The following KCNK13 variants were observed in gnomAD, a reference collection of about 807,000 sequenced individuals.
KCNK13 encodes potassium two pore domain channel subfamily K member 13.
A neutral mutation model predicts 23.4 loss-of-function variants in KCNK13; 12 were observed. The observed-to-expected ratio is 0.51, with a 90% confidence interval of 0.33 to 0.83. The LOEUF (loss-of-function observed/expected upper bound fraction) is 0.83, where lower values mean the gene tolerates loss of function less well. KCNK13 is among the 40% of genes least tolerant of loss of function. The pLI, the probability that KCNK13 is intolerant of heterozygous loss-of-function variation, is 0.02. For missense variants in KCNK13, 463 were observed against 556.3 expected, an observed-to-expected ratio of 0.83 and a Z score of 1.69; for synonymous variants, 231 against 229.5, an observed-to-expected ratio of 1.01 and a Z score of -0.06.
chr14:90,145,669 A>T (rs1890064447), intron 1 of KCNK13, among the ~76,000 whole-genome samples: 1 of 151,776 alleles, frequency 6.6e-6, no homozygotes, highest in South Asian at 2.1e-4. Context: ...TTCCTTATTG[A>T]TCCTTACTGA....
chr14:90,170,590 A>T (rs1192938581), intron 1 of KCNK13, among the ~76,000 whole-genome samples: 1 of 152,190 alleles, frequency 6.6e-6, no homozygotes, highest in Non-Finnish European at 1.5e-5. Flanking sequence ...TTCTCTGAAG[A>T]TGATTTTGAG....
chr14:90,062,662 T>A lies in KCNK13; in HGVS notation c.334+123T>A, dbSNP rs1051568528. 25 of 704,548 alleles carry A rather than the reference T, an allele frequency of 3.5e-5. No homozygotes were observed. The highest frequency in any genetic ancestry group is 5.2e-5 in the Non-Finnish European group (23 of 446,034). 43.6% of individuals were successfully genotyped at this position (704,548 alleles called of 1,614,324 possible). ...GGCGCCCAGCCAGACTCCACTGACA[T>A]GAGCTGTCGCCTGATCAACAGGTGG... On this transcript the variant is annotated intron_variant, in intron 1 of 1. Coordinates refer to ENST00000282146, the MANE Select transcript of KCNK13 (RefSeq NM_022054.4). This position sits in a 1 kb window ranked among gnomAD's most constrained non-coding sequence, Gnocchi z 4.5.
chr14:90,159,949 GTGT>G (rs1566648932), intron 1 of KCNK13, among the ~76,000 whole-genome samples: 37 of 16,920 alleles, frequency 2.2e-3, no homozygotes, highest in Admixed American at 6.9e-3. Flanking sequence ...GTGTAGGGGT[GTGT>G]GTGTGTGTGT....
chr14:90,167,336 C>T (rs1890315154), intron 1 of KCNK13, among the ~76,000 whole-genome samples: 1 of 152,234 alleles, frequency 6.6e-6, no homozygotes, highest in Non-Finnish European at 1.5e-5. Flanking sequence ...GCTTTTCTCA[C>T]CACCAGGTAA....
chr14:90,062,027 C>T lies in KCNK13; in HGVS notation c.-179C>T. On this transcript the variant is annotated 5_prime_UTR_variant, in exon 1 of 2. Coordinates refer to ENST00000282146, the MANE Select transcript of KCNK13 (RefSeq NM_022054.4). The surrounding 1 kb of genome is among the most constrained non-coding windows in gnomAD (Gnocchi z 4.5). ...GGGGAGCTGGCGCCACAGGAGCTAC[C>T]GAGGCGGCGGCCGGGGGAGCCTCGC... is the stretch of plus-strand genomic sequence containing the variant. 2.5e-6 allele frequency: 1 copy of T among 407,374 alleles called. No individual in the cohort carries two copies. The highest frequency in any genetic ancestry group is 3.8e-5 in the East Asian group (1 of 26,416). The allele number at this position is 407,374 out of a possible 1,614,324, so 25.2% of individuals were successfully genotyped here.
At chr14:90,158,388 AG>A (rs1242340362) in intron 1 of KCNK13, among the ~76,000 whole-genome samples, 2 of 152,354 alleles carry the variant, frequency 1.3e-5, no homozygotes, top group East Asian at 3.9e-4. Flanking sequence ...CTCTGATAGG[AG>A]AGAGAAAAAA....
At chr14:90,085,349 A>G (rs1251985371) in intron 1 of KCNK13, among the ~76,000 whole-genome samples, 1 of 151,586 alleles carries the variant, frequency 6.6e-6, no homozygotes, top group East Asian at 1.9e-4. Flanking sequence ...TTTGTTTAGG[A>G]TTTTTGCATC....
At position 90,062,786 on chromosome 14, in the gene KCNK13, T is replaced by G. The variant is rs1222550128; in HGVS notation, c.334+247T>G. ...GCAGTCTCAGTCCCCTCTGCAGACC[T>G]GCCGAGTCAGAATCTGCATGTTAAC... is the stretch of plus-strand genomic sequence containing the variant. On this transcript the variant is annotated intron_variant, in intron 1 of 1. Transcript: ENST00000282146. The surrounding 1 kb of genome is among the most constrained non-coding windows in gnomAD (Gnocchi z 4.5). Among the ~76,000 whole-genome samples, 1 of 152,162 alleles carries G rather than the reference T, an allele frequency of 6.6e-6. No homozygotes were observed. Among genetic ancestry groups the G allele is most frequent in the Non-Finnish European group, 1.5e-5 (1 of 68,032 alleles).
chr14:90,156,125 A>G (rs1890191029), intron 1 of KCNK13, among the ~76,000 whole-genome samples: 1 of 149,818 alleles, frequency 6.7e-6, no homozygotes, highest in Admixed American at 6.8e-5. Context: ...GGATCACTTG[A>G]GCCCGGTAGG....
intron 1 of KCNK13, among the ~76,000 whole-genome samples, chr14:90,182,365 G>T (rs1012455560): frequency 6.6e-5 from 10 of 152,166 alleles, no homozygotes; most frequent in Non-Finnish European, 1.2e-4. Context: ...GGTCTGGTCT[G>T]AACACTTCCA....
At chr14:90,121,877 G>T (rs546705464) in intron 1 of KCNK13, among the ~76,000 whole-genome samples, 1 of 151,816 alleles carries the variant, frequency 6.6e-6, no homozygotes, top group Admixed American at 6.6e-5. Context: ...GCAACACCAC[G>T]CCTGGCTAAT....
At chr14:90,076,828 T>C (rs1266157925) in intron 1 of KCNK13, among the ~76,000 whole-genome samples, 1 of 152,180 alleles carries the variant, frequency 6.6e-6, no homozygotes, top group Non-Finnish European at 1.5e-5. Flanking sequence ...AAATTTTTTT[T>C]TTATTTCTTA....
At chr14:90,124,055 A>G (rs1566955739) in intron 1 of KCNK13, among the ~76,000 whole-genome samples, 1 of 152,206 alleles carries the variant, frequency 6.6e-6, no homozygotes, top group Non-Finnish European at 1.5e-5. Flanking sequence ...TGCCAAAGAG[A>G]AATCTGAGCT....
At chr14:90,096,369 C>T (rs911258775) in intron 1 of KCNK13, among the ~76,000 whole-genome samples, 3 of 152,192 alleles carry the variant, frequency 2.0e-5, no homozygotes, top group Admixed American at 1.3e-4. Context: ...AAAGACATCA[C>T]ATTAGAGATT....
intron 1 of KCNK13, among the ~76,000 whole-genome samples, chr14:90,150,211 G>C (rs1273657752): frequency 1.3e-5 from 2 of 152,244 alleles, no homozygotes; most frequent in Non-Finnish European, 2.9e-5. Flanking sequence ...AGGTACAGAA[G>C]CTGGAGAGGA....
At chr14:90,134,042 A>G (rs1889906485) in intron 1 of KCNK13, among the ~76,000 whole-genome samples, 1 of 152,178 alleles carries the variant, frequency 6.6e-6, no homozygotes, top group Admixed American at 6.6e-5. Flanking sequence ...GACATAGGCC[A>G]GATACTTCTA....
intron 1 of KCNK13, among the ~76,000 whole-genome samples, chr14:90,097,562 G>A (rs988242978): frequency 6.6e-6 from 1 of 152,126 alleles, no homozygotes; most frequent in Non-Finnish European, 1.5e-5. Context: ...ATGAATTTTG[G>A]TGGGGACATA....
chr14:90,062,652 T>G lies in KCNK13; in HGVS notation c.334+113T>G. On this transcript the variant is annotated intron_variant, in intron 1 of 1. Coordinates refer to ENST00000282146, the MANE Select transcript of KCNK13 (RefSeq NM_022054.4). This position sits in a 1 kb window ranked among gnomAD's most constrained non-coding sequence, Gnocchi z 4.5. ...CATCCATCTGGGCGCCCAGCCAGAC[T>G]CCACTGACATGAGCTGTCGCCTGAT... 1.3e-6 allele frequency: 1 copy of G among 774,668 alleles called. No individual in the cohort carries two copies. The highest frequency in any genetic ancestry group is 2.0e-6 in the Non-Finnish European group (1 of 504,882). The allele number at this position is 774,668 out of a possible 1,614,324, so 48.0% of individuals were successfully genotyped here. A position where few individuals can be genotyped will look rare whatever the true frequency, so the allele number is the denominator to read the frequency against.
At chr14:90,159,412 G>A (rs1207365318) in intron 1 of KCNK13, among the ~76,000 whole-genome samples, 2 of 152,154 alleles carry the variant, frequency 1.3e-5, no homozygotes, top group Non-Finnish European at 2.9e-5. Flanking sequence ...CTGCCCTCAG[G>A]GCCATAAACA....
Sources: allele counts gnomAD v4.1 joint callset (sites outside exome capture counted in the v4.1 genomes callset), GRCh38; gene constraint gnomAD v4.1.1; non-coding constraint Gnocchi (gnomAD v3.1); transcripts MANE v1.5; gene names NCBI Gene and HGNC (gene_info 2026-07-23, HGNC 2026-07-21).